Variants in CFAP43 observed in about 807,000 individuals in gnomAD.
The protein encoded by CFAP43 is cilia- and flagella-associated protein 43.
CFAP43 carries 155 observed loss-of-function variants against 218.9 expected under a neutral mutation model. That is an observed-to-expected ratio of 0.71 (90% CI 0.62 to 0.81). The LOEUF (loss-of-function observed/expected upper bound fraction) is 0.81, where lower values mean the gene tolerates loss of function less well. Ranked by LOEUF, CFAP43 falls within the 30% of genes least tolerant of loss-of-function variation. The pLI, the probability that CFAP43 is intolerant of heterozygous loss-of-function variation, is 0.00. For synonymous variants in CFAP43, 645 were observed against 681.3 expected, an observed-to-expected ratio of 0.95 and a Z score of 0.83; for missense variants, 1,778 against 1,954.3, an observed-to-expected ratio of 0.91 and a Z score of 1.70.
chr10:104,205,927 T>C (rs777621765), intron 7 of CFAP43, 36 bp downstream of exon 7: 21 of 1,572,384 alleles, frequency 1.3e-5, no homozygotes, highest in Non-Finnish European at 1.7e-5. Flanking sequence ...GTGAATTTTC[T>C]TTAAACCAAT....
At position 104,230,807 on chromosome 10, in the gene CFAP43, A is replaced by C. The variant is rs377174440; in HGVS notation, c.102T>G (p.Phe34Leu). The change falls in exon 2 of 38, where the codon TTT (phenylalanine) becomes TTG (leucine). Residue 34 changes from phenylalanine to leucine, a missense_variant. By Grantham distance (22) the Phe-to-Leu change is conservative. Transcript: ENST00000357060. ...GGTAGCAAATGGTGTTGTCGTTGAC[A>C]AAATGAACATTCTGCTTAGGGAATC... ...VQGFPKQNVHFVNDNTICYPC... is the reference protein window; with the variant it reads ...VQGFPKQNVHLVNDNTICYPC... 6.2e-7 allele frequency: 1 copy of C among 1,613,482 alleles called. No individual in the cohort carries two copies. The highest frequency in any genetic ancestry group is 8.5e-7 in the Non-Finnish European group (1 of 1,179,908).
chr10:104,172,073 T>C (rs2134846554), intron 20 of CFAP43, among the ~76,000 whole-genome samples: 1 of 152,280 alleles, frequency 6.6e-6, no homozygotes, highest in African/African-American at 2.4e-5. Context: ...ATTTCAACTC[T>C]AATTAAGAAA....
intron 8 of CFAP43, among the ~76,000 whole-genome samples, chr10:104,202,341 T>G (rs1022211232): frequency 9.2e-5 from 14 of 152,364 alleles, no homozygotes; most frequent in Admixed American, 8.5e-4. Context: ...ACAGTTTCAC[T>G]CTGGTAAGTC....
At chr10:104,230,531 A>T in intron 2 of CFAP43, 59 bp downstream of exon 2, 12 of 1,540,420 alleles carry the variant, frequency 7.8e-6, no homozygotes, top group Non-Finnish European at 1.1e-5. Flanking sequence ...TAATAGATTT[A>T]GTCAACTCTT....
chr10:104,184,109 T>C (rs910503654), intron 16 of CFAP43, among the ~76,000 whole-genome samples: 8 of 152,224 alleles, frequency 5.3e-5, no homozygotes, highest in Non-Finnish European at 1.0e-4. Flanking sequence ...TTGCAAAGAT[T>C]ACGGCAGTGA....
intron 5 of CFAP43, 69 bp from the exon 6 acceptor site, chr10:104,207,893 A>G: frequency 6.7e-7 from 1 of 1,491,390 alleles, no homozygotes; most frequent in South Asian, 1.3e-5. Context: ...AATACTCACC[A>G]GAACAACTGA....
intron 30 of CFAP43, 128 bp from the exon 31 acceptor site, chr10:104,145,692 G>T: frequency 1.8e-6 from 1 of 543,206 alleles, no homozygotes. Context: ...GATTTACAAA[G>T]TTGTTAGACA....
rs185258539 is a variant in CFAP43 at position 104,217,650 on chromosome 10, A to C, written c.417-3224T>G. On this transcript the variant is annotated intron_variant, in intron 3 of 37. Transcript: ENST00000357060. ...CACTTTGTAGCTTCGATCCCGGTAC[A>C]TTTCCAGCACTCCCAGGTGTTCCAT... Among the ~76,000 whole-genome samples the C allele has an allele frequency of 3.3e-5, 5 of 152,274 alleles. No individual in the cohort carries two copies. The East Asian group carries it at 9.7e-4, about 29-fold the overall frequency.
rs549385475 is a variant in CFAP43, at chr10:104,135,447, C to T, written c.4432-1663G>A. On this transcript the variant is annotated intron_variant, in intron 34 of 37. Transcript: ENST00000357060. ...GAAAAGATGTAAAACAATTTCTATT[C>T]ACAGATTAATGAGTCTATATATATA... 2.6e-5 allele frequency among the ~76,000 whole-genome samples: 4 copies of T among 152,196 alleles called. No individual in the cohort carries two copies. The South Asian group carries it at 8.3e-4, about 32-fold the overall frequency.
rs751155718 is a variant in CFAP43, at chr10:104,207,814, T to A, written c.746A>T (p.Asp249Val). ...AGTCGGGTGAAGCAAAGGATATAGA[T>A]CATCTTTCGGCTTCAGGGAGAGAAT... is the stretch of plus-strand genomic sequence containing the variant. ...KEAETFRPKD[D>V]LYPLLHPTMH... The change falls in exon 6 of 38, where the codon GAT becomes GTT. Residue 249 changes from aspartate to valine, a missense_variant. Asp to Val is a radical substitution (Grantham distance 152). Coordinates refer to ENST00000357060, the MANE Select transcript of CFAP43 (RefSeq NM_025145.7). 1.2e-6 allele frequency: 2 copies of A among 1,611,416 alleles called. No homozygotes were observed. The highest frequency in any genetic ancestry group is 1.7e-6 in the Non-Finnish European group (2 of 1,179,224).
chr10:104,192,353 A>T (rs2090253892), intron 11 of CFAP43, 51 bp from the exon 12 acceptor site: 2 of 1,369,766 alleles, frequency 1.5e-6, no homozygotes, highest in South Asian at 1.2e-5. Flanking sequence ...CACCAGCTAG[A>T]TGGTGAACAA....
chr10:104,212,670 T>C (rs1225647370), intron 4 of CFAP43, among the ~76,000 whole-genome samples: 1 of 152,200 alleles, frequency 6.6e-6, no homozygotes, highest in Non-Finnish European at 1.5e-5. Context: ...TTTAAACATA[T>C]ATTCAGGCTG....
chr10:104,215,085 A>C (rs912884132), intron 3 of CFAP43, among the ~76,000 whole-genome samples: 11 of 152,092 alleles, frequency 7.2e-5, no homozygotes, highest in African/African-American at 2.4e-4. Context: ...CAGTGAGCCA[A>C]GATTGTGCCA....
chr10:104,205,041 C>G (rs1175475713), intron 7 of CFAP43, among the ~76,000 whole-genome samples: 2 of 151,780 alleles, frequency 1.3e-5, no homozygotes, highest in South Asian at 4.2e-4. Context: ...GGTGAAACCC[C>G]GTCTCTACTA....
Position 104,140,977 on chromosome 10 carries a change from G to T in CFAP43, c.4296C>A (p.Phe1432Leu). ...GAATTTGGATTGTCAAATTCAACTG[G>T]AATCTCACTTTCTCTTCCTGTAATC... ...LILLQEEKVR[F>L]QLNLTIQILL... Residue 1432 changes from phenylalanine to leucine, a missense_variant, in exon 34 of 38, where the codon TTC becomes TTA. Coordinates refer to ENST00000357060, the MANE Select transcript of CFAP43 (RefSeq NM_025145.7). 1.2e-6 allele frequency: 2 copies of T among 1,611,666 alleles called. No homozygotes were observed. Among genetic ancestry groups the T allele is most frequent in the South Asian group, 1.1e-5 (1 of 90,458 alleles).
chr10:104,164,396 C>CA lies in CFAP43; in HGVS notation c.3040-97dup, dbSNP rs908064673. 6.9e-6 allele frequency: 7 copies of CA among 1,014,292 alleles called. No individual in the cohort carries two copies. In the African/African-American group the frequency reaches 8.9e-5, roughly 13 times the overall value. The allele number at this position is 1,014,292 out of a possible 1,614,324, so 62.8% of individuals were successfully genotyped here. ...ATACTTTCCCTCTAAAATCATTCCA[C>CA]AAATTTTTTTTTTTTTTTTGAGATG... On this transcript the variant is annotated intron_variant, in intron 23 of 37. Coordinates refer to ENST00000357060, the MANE Select transcript of CFAP43 (RefSeq NM_025145.7).
At chr10:104,195,825 A>G (rs1162342137) in intron 10 of CFAP43, among the ~76,000 whole-genome samples, 1 of 152,232 alleles carries the variant, frequency 6.6e-6, no homozygotes, top group Admixed American at 6.5e-5. Flanking sequence ...TTTGCAACTC[A>G]GCATCCATAC....
chr10:104,142,710 C>G (rs1418029607), intron 32 of CFAP43, among the ~76,000 whole-genome samples: 1 of 151,942 alleles, frequency 6.6e-6, no homozygotes, highest in Non-Finnish European at 1.5e-5. Flanking sequence ...AATATGCCAG[C>G]CTGATGCATG....
intron 19 of CFAP43, among the ~76,000 whole-genome samples, chr10:104,174,820 C>T (rs907931451): frequency 5.7e-4 from 87 of 151,884 alleles, no homozygotes; most frequent in African/African-American, 2.0e-3. Flanking sequence ...CTTTGGGAGG[C>T]CGAGGTGGGC....
Sources: gnomAD v4.1 joint callset for allele counts (sites outside exome capture counted in the v4.1 genomes callset) on GRCh38, gnomAD v4.1.1 for gene constraint, MANE v1.5 for transcripts, NCBI Gene and HGNC (gene_info 2026-07-23, HGNC 2026-07-21) for gene names.